The following FARP2 variants were observed in gnomAD, a reference collection of about 807,000 sequenced individuals.
The protein encoded by FARP2 is FERM, ARHGEF and pleckstrin domain-containing protein 2.
In FARP2, 111 loss-of-function variants were observed where a neutral mutation model predicts 130.5. The observed-to-expected ratio is 0.85, with a 90% CI of 0.73 to 1.00. FARP2 has a LOEUF of 1.00. Among genes scored for constraint, FARP2 ranks in the 50% least tolerant of loss-of-function variants. The pLI is 0.00. For synonymous variants in FARP2, 504 were observed against 516.9 expected (o/e 0.98, Z 0.34); for missense variants, 1,385 against 1,346.3 (o/e 1.03, Z -0.45).
At chr2:241,397,904 A>C (rs191714615) in intron 2 of FARP2, among the ~76,000 whole-genome samples, 1 of 138,642 alleles carries the variant, frequency 7.2e-6, no homozygotes, top group Non-Finnish European at 1.5e-5. Context: ...ATCTTGGCTC[A>C]CTGCAACCTC....
chr2:241,381,751 A>G (rs367838550), intron 2 of FARP2, among the ~76,000 whole-genome samples: 44 of 152,322 alleles, frequency 2.9e-4, no homozygotes, highest in African/African-American at 1.0e-3. Context: ...TTACCTTACC[A>G]AGTGTTACAT....
intron 13 of FARP2, among the ~76,000 whole-genome samples, chr2:241,449,305 GA>G (rs1270143541): frequency 1.1e-3 from 156 of 139,638 alleles, no homozygotes; most frequent in South Asian, 7.2e-3. Flanking sequence ...CCAGAAAAAG[GA>G]AAAAAAAAAA....
intron 18 of FARP2, among the ~76,000 whole-genome samples, chr2:241,470,332 G>A (rs569116411): frequency 7.6e-4 from 116 of 152,340 alleles, no homozygotes; most frequent in Non-Finnish European, 1.4e-3. Context: ...CTACTGCTGT[G>A]GGGGAACCTG....
rs1480890438 is a variant in FARP2 at position 241,459,415 on chromosome 2, G to T, written c.1587+2493G>T. The stretch of plus-strand genomic sequence containing the variant: ...CAAGCTTTTGCACTTGCACCCAGTT[G>T]CTGGGCTGTGCGGGGAGGGGCAAAG... On this transcript the variant is annotated intron_variant, in intron 14 of 26. Transcript: ENST00000264042. This position sits in a 1 kb window ranked among gnomAD's most constrained non-coding sequence, Gnocchi z 5.3. 6.6e-6 allele frequency among the ~76,000 whole-genome samples: 1 copy of T among 152,224 alleles called. No homozygotes were observed.
chr2:241,462,581 C>A lies in FARP2; in HGVS notation c.1646C>A (p.Thr549Lys). Residue 549 changes from threonine (T) to lysine (K), a missense_variant, in exon 15 of 27, where the codon ACA becomes AAA. By Grantham distance (78) the Thr-to-Lys change is moderately conservative. Transcript: ENST00000264042. Reference protein sequence around the residue: ...IVKEILATERTYLKDLEVITV... With the variant: ...IVKEILATERKYLKDLEVITV... ...AAAGAGATTCTCGCTACAGAACGAA[C>A]ATACCTCAAGGATTTAGAAGTTATT... The A allele has an allele frequency of 1.2e-6, 2 of 1,613,432 alleles. No individual in the cohort carries two copies. The highest frequency in any genetic ancestry group is 1.7e-6 in the Non-Finnish European group (2 of 1,179,344).
At chr2:241,416,078 G>A (rs891921731) in intron 7 of FARP2, among the ~76,000 whole-genome samples, 1 of 151,590 alleles carries the variant, frequency 6.6e-6, no homozygotes, top group African/African-American at 2.4e-5. Context: ...GTGGTCGTGT[G>A]TGCATGTATA....
At chr2:241,486,287 C>CTT (rs71406464) in intron 21 of FARP2, among the ~76,000 whole-genome samples, 1,312 of 103,842 alleles carry the variant, frequency 0.013, 33 homozygotes, top group South Asian at 0.055. Flanking sequence ...CTCCAAAAAT[C>CTT]TTTTTTTTTT....
At chr2:241,433,960 T>TGGGA (rs1030137514) in intron 9 of FARP2, among the ~76,000 whole-genome samples, 198 bp from the exon 10 acceptor site, 2 of 152,084 alleles carry the variant, frequency 1.3e-5, no homozygotes, top group African/African-American at 4.8e-5. Context: ...TGTTTGAGCC[T>TGGGA]GGGAGGTTGA....
intron 19 of FARP2, among the ~76,000 whole-genome samples, chr2:241,480,761 T>C (rs899948832): frequency 2.6e-5 from 4 of 152,190 alleles, no homozygotes; most frequent in Non-Finnish European, 5.9e-5. Flanking sequence ...GTTTCTTTTC[T>C]TCTAATAGTT....
chr2:241,487,336 C>T (rs898914079), intron 21 of FARP2, among the ~76,000 whole-genome samples: 1 of 152,076 alleles, frequency 6.6e-6, no homozygotes, highest in Non-Finnish European at 1.5e-5. Flanking sequence ...TGGGGCTATG[C>T]CCTGATAAAC....
At chr2:241,404,876 G>GT (rs2062291211) in intron 4 of FARP2, 35 bp downstream of exon 4, 2 of 1,506,452 alleles carry the variant, frequency 1.3e-6, no homozygotes, top group Non-Finnish European at 1.8e-6. Flanking sequence ...AAATCTGTTT[G>GT]TTTAAGATGT....
At chr2:241,358,093 G>A (rs2061107475) in intron 1 of FARP2, among the ~76,000 whole-genome samples, 1 of 152,168 alleles carries the variant, frequency 6.6e-6, no homozygotes, top group Non-Finnish European at 1.5e-5. Context: ...AGAGGCTGAG[G>A]CACGAGAATC....
At chr2:241,446,880 T>C (rs1347127354) in intron 13 of FARP2, 1 of 152,194 alleles carries the variant, frequency 6.6e-6, no homozygotes. Flanking sequence ...TGGTGGTCCA[T>C]GCCTGACGTG....
At chr2:241,490,638 G>A (rs2064867142) in intron 22 of FARP2, among the ~76,000 whole-genome samples, 2 of 152,226 alleles carry the variant, frequency 1.3e-5, no homozygotes. Flanking sequence ...ACTGTGCTCT[G>A]TGAGGAGTCT....
chr2:241,386,399 C>T (rs1031101802), intron 2 of FARP2, among the ~76,000 whole-genome samples: 15 of 152,126 alleles, frequency 9.9e-5, no homozygotes, highest in Non-Finnish European at 1.8e-4. Flanking sequence ...GCTCCCCGCT[C>T]AGCAGTGGAT....
chr2:241,441,277 T>C, intron 12 of FARP2, 27 bp from the exon 13 acceptor site: 1 of 1,541,430 alleles, frequency 6.5e-7, no homozygotes, highest in African/African-American at 1.4e-5. Context: ...TATATCCTTT[T>C]TTTCTTTTCT....
At position 241,453,393 on chromosome 2, in the gene FARP2, C is replaced by T. The variant is rs371291614; in HGVS notation, c.1412-3354C>T. ...ATCCCAGCACTTTGGGAGGCCAAGGCGGGCAGATCACAAGGTCAGGAGATC... is the reference window on the plus strand; with the variant it reads ...ATCCCAGCACTTTGGGAGGCCAAGGTGGGCAGATCACAAGGTCAGGAGATC... On this transcript the variant is annotated intron_variant, in intron 13 of 26. Coordinates refer to ENST00000264042, the MANE Select transcript of FARP2 (RefSeq NM_014808.4). 2.7e-3 allele frequency among the ~76,000 whole-genome samples: 409 copies of T among 151,564 alleles called. 1 individual carries two copies. In the East Asian group the frequency reaches 0.03, roughly 11 times the overall value.
chr2:241,419,680 G>A (rs1342553021), intron 8 of FARP2, among the ~76,000 whole-genome samples: 8 of 152,280 alleles, frequency 5.3e-5, no homozygotes, highest in South Asian at 2.1e-4. Flanking sequence ...AGCCTTCAGC[G>A]GCAAAGTCAC....
intron 2 of FARP2, among the ~76,000 whole-genome samples, chr2:241,376,461 T>C (rs2061538109): frequency 6.6e-6 from 1 of 152,222 alleles, no homozygotes; most frequent in African/African-American, 2.4e-5. Context: ...AGTGCAATTG[T>C]CTGTGCCACT....
Sources: allele counts gnomAD v4.1 joint callset (sites outside exome capture counted in the v4.1 genomes callset), GRCh38; gene constraint gnomAD v4.1.1; non-coding constraint Gnocchi (gnomAD v3.1); transcripts MANE v1.5; gene names NCBI Gene and HGNC (gene_info 2026-07-23, HGNC 2026-07-21).